CDK17: variants seen among roughly 807,000 people sequenced by gnomAD.
The protein encoded by CDK17 is cyclin-dependent kinase 17.
A neutral mutation model predicts 77.6 loss-of-function variants in CDK17; 24 were observed. That is an observed-to-expected ratio of 0.31 (90% confidence interval 0.22 to 0.44). The LOEUF is 0.44. CDK17 is among the 20% of genes least tolerant of loss of function. The pLI is 1.00. For synonymous variants in CDK17, 203 were observed against 210.4 expected (o/e 0.96, Z 0.30); for missense variants, 429 against 622.5 (o/e 0.69, Z 3.31).
At chr12:96,288,609 T>C (rs1192088284) in intron 11 of CDK17, among the ~76,000 whole-genome samples, 3 of 152,164 alleles carry the variant, frequency 2.0e-5, no homozygotes, top group African/African-American at 7.2e-5. Context: ...TCCTTAAGTA[T>C]CAGATTGAGG....
chr12:96,280,564 T>C, intron 16 of CDK17: 1 of 1,414,750 alleles, frequency 7.1e-7, no homozygotes, highest in Non-Finnish European at 9.2e-7. Context: ...GTAAAAGGTC[T>C]TTGTGCCATC....
intron 1 of CDK17, among the ~76,000 whole-genome samples, chr12:96,361,259 G>A (rs765292960): frequency 2.0e-5 from 3 of 152,170 alleles, no homozygotes; most frequent in Non-Finnish European, 4.4e-5. Context: ...GGAACCATTT[G>A]CCACTCCTTT....
rs554282701 is a variant in CDK17 at position 96,376,169 on chromosome 12, T to C, written c.-30+23817A>G. 2.4e-4 allele frequency among the ~76,000 whole-genome samples: 37 copies of C among 152,338 alleles called. 1 individual carries two copies. In the East Asian group the frequency reaches 5.4e-3, roughly 22 times the overall value. ...CAGATAAGAGCTACAAAAAACTTCATTGTTCATTTCAGGAACTTCCCAAAA... is the reference window on the plus strand; with the variant it reads ...CAGATAAGAGCTACAAAAAACTTCACTGTTCATTTCAGGAACTTCCCAAAA... On this transcript the variant is annotated intron_variant, in intron 1 of 16. Coordinates refer to ENST00000261211, the MANE Select transcript of CDK17 (RefSeq NM_002595.5).
At chr12:96,388,908 A>G (rs534172270) in intron 1 of CDK17, among the ~76,000 whole-genome samples, 1 of 152,246 alleles carries the variant, frequency 6.6e-6, no homozygotes, top group African/African-American at 2.4e-5. Flanking sequence ...AGAAGAAGCT[A>G]CAAACTTTAA....
At chr12:96,300,769 AAG>A (rs1337056092) in intron 5 of CDK17, among the ~76,000 whole-genome samples, 3 of 152,236 alleles carry the variant, frequency 2.0e-5, no homozygotes, top group Admixed American at 6.5e-5. Context: ...AAGAATGACT[AAG>A]AATAGAAAAA....
chr12:96,289,146 G>A (rs1356932483), intron 11 of CDK17, 21 bp downstream of exon 11: 5 of 1,611,048 alleles, frequency 3.1e-6, no homozygotes, highest in East Asian at 2.2e-5. Flanking sequence ...ATAAATGTCA[G>A]TGACATCTGT....
intron 1 of CDK17, among the ~76,000 whole-genome samples, chr12:96,368,105 GA>G (rs1159180387): frequency 5.5e-5 from 8 of 146,088 alleles, no homozygotes; most frequent in Non-Finnish European, 6.0e-5. Flanking sequence ...AGTTCAATAG[GA>G]AAAAAAAAAG....
chr12:96,307,935 T>C (rs187476270), intron 5 of CDK17, among the ~76,000 whole-genome samples: 1 of 152,324 alleles, frequency 6.6e-6, no homozygotes, highest in East Asian at 1.9e-4. Context: ...GATAATCATA[T>C]GCTTATACCA....
intron 5 of CDK17, 37 bp from the exon 6 acceptor site, chr12:96,300,397 T>A: frequency 1.1e-6 from 1 of 949,628 alleles, no homozygotes; most frequent in Non-Finnish European, 1.5e-6. Context: ...GTATTTACTT[T>A]TTTTTTTTTT....
Position 96,313,453 on chromosome 12 carries a change from A to G in CDK17, c.285T>C (p.Asp95=). The change falls in exon 4 of 17, where the codon GAT becomes GAC. Residue 95 remains aspartate (D), a splice_region_variant and synonymous_variant. Transcript: ENST00000261211. ...CCATTTTTAGATTTTCATGAACAAT[A>G]TCTATATCAAAAAATGAGACATTAA... ...MAMPRNGSRL[D]IVHENLKMGS... is the part of the protein sequence containing the mutation. 6.6e-7 allele frequency: 1 copy of G among 1,525,140 alleles called. No individual in the cohort carries two copies. The highest frequency in any genetic ancestry group is 1.3e-5 in the South Asian group (1 of 78,346). The allele number at this position is 1,525,140 out of a possible 1,614,324, so 94.5% of individuals were successfully genotyped here.
intron 6 of CDK17, 83 bp from the exon 7 acceptor site, chr12:96,299,066 G>A: frequency 1.6e-6 from 1 of 640,270 alleles, no homozygotes. Context: ...AGCTCTACCT[G>A]AATTTCTAGT....
At chr12:96,326,379 T>A (rs1952891883) in intron 2 of CDK17, among the ~76,000 whole-genome samples, 1 of 152,186 alleles carries the variant, frequency 6.6e-6, no homozygotes, top group South Asian at 2.1e-4. Context: ...AATAGAGGGA[T>A]GTGGAAATGA....
At chr12:96,355,317 ACT>A (rs1237013116) in intron 1 of CDK17, among the ~76,000 whole-genome samples, 1 of 150,936 alleles carries the variant, frequency 6.6e-6, no homozygotes, top group Non-Finnish European at 1.5e-5. Context: ...AACAGTGAGA[ACT>A]CTACACGCAG....
At chr12:96,324,149 A>G in intron 2 of CDK17, 37 bp from the exon 3 acceptor site, 1 of 1,532,880 alleles carries the variant, frequency 6.5e-7, no homozygotes, top group South Asian at 1.3e-5. Context: ...TTCCATCATC[A>G]GTCCAAGATC....
chr12:96,331,567 A>C (rs1471198003), intron 2 of CDK17, among the ~76,000 whole-genome samples: 1 of 152,192 alleles, frequency 6.6e-6, no homozygotes, highest in African/African-American at 2.4e-5. Flanking sequence ...TAAATAGACA[A>C]AGTAATTTGA....
Position 96,390,500 on chromosome 12 carries a change from G to A in CDK17, c.-30+9486C>T, listed in dbSNP as rs560822065. Among the ~76,000 whole-genome samples the A allele has an allele frequency of 2.0e-5, 3 of 149,472 alleles. 1 individual carries two copies. The highest frequency in any genetic ancestry group is 7.3e-5 in the African/African-American group (3 of 41,150). On this transcript the variant is annotated intron_variant, in intron 1 of 16. Coordinates refer to ENST00000261211, the MANE Select transcript of CDK17 (RefSeq NM_002595.5). ...TAGGTGGGTGGATCACCTGAGCTCAGGAGTTCAAGACCAGCCTGCCCAACA... is the reference window on the plus strand; with the variant it reads ...TAGGTGGGTGGATCACCTGAGCTCAAGAGTTCAAGACCAGCCTGCCCAACA...
chr12:96,390,112 G>A (rs987976586), intron 1 of CDK17, among the ~76,000 whole-genome samples: 2 of 149,082 alleles, frequency 1.3e-5, no homozygotes, highest in African/African-American at 4.9e-5. Flanking sequence ...ACAAGTGTGA[G>A]ACAGCGCGCC....
intron 2 of CDK17, among the ~76,000 whole-genome samples, 155 bp from the exon 3 acceptor site, chr12:96,324,267 T>C (rs1294876650): frequency 6.6e-6 from 1 of 152,266 alleles, no homozygotes; most frequent in Non-Finnish European, 1.5e-5. Flanking sequence ...AAAATTAAAA[T>C]AGTTTCTCTG....
At position 96,368,814 on chromosome 12, in the gene CDK17, G is replaced by T. The variant is rs1037705685; in HGVS notation, c.-30+31172C>A. Among the ~76,000 whole-genome samples, 35 of 73,712 alleles carry T rather than the reference G, an allele frequency of 4.7e-4. 6 individuals are homozygous for T. Among genetic ancestry groups the T allele is most frequent in the Admixed American group, 2.7e-3 (19 of 6,920 alleles). 48.4% of individuals were successfully genotyped at this position (73,712 alleles called of 152,430 possible). On this transcript the variant is annotated intron_variant, in intron 1 of 16. Coordinates refer to ENST00000261211, the MANE Select transcript of CDK17 (RefSeq NM_002595.5). ...AAGAAGCTACTCTAAGACGGGGGGGGGGGGGGGGGGCACAATGAATAAGGC... is the reference window on the plus strand; with the variant it reads ...AAGAAGCTACTCTAAGACGGGGGGGTGGGGGGGGGGCACAATGAATAAGGC...
Sources: gnomAD v4.1 joint callset for allele counts (sites outside exome capture counted in the v4.1 genomes callset) on GRCh38, gnomAD v4.1.1 for gene constraint, MANE v1.5 for transcripts, NCBI Gene and HGNC (gene_info 2026-07-23, HGNC 2026-07-21) for gene names.